The following LRRTM4 variants were observed in gnomAD, a reference collection of about 807,000 sequenced individuals.
The protein encoded by LRRTM4 is leucine-rich repeat transmembrane neuronal protein 4.
LRRTM4 carries 25 observed loss-of-function variants against 47.6 expected under a neutral mutation model. The ratio of observed to expected loss-of-function variants is 0.53; its 90% CI spans 0.38 to 0.73. LRRTM4 has a LOEUF of 0.73. LRRTM4 is among the 30% of genes least tolerant of loss of function. The pLI is 0.00. For synonymous variants in LRRTM4, 311 were observed against 269.5 expected (o/e 1.15, Z -1.51); for missense variants, 638 against 713.4 (o/e 0.89, Z 1.20).
chr2:76,897,774 T>A (rs917412762), intron 3 of LRRTM4, among the ~76,000 whole-genome samples: 1 of 152,152 alleles, frequency 6.6e-6, no homozygotes, highest in Non-Finnish European at 1.5e-5. Flanking sequence ...TTAATTCCCA[T>A]TGCACAGTTA....
At chr2:77,224,008 A>G (rs1234188033) in intron 3 of LRRTM4, among the ~76,000 whole-genome samples, 1 of 151,928 alleles carries the variant, frequency 6.6e-6, no homozygotes, top group Non-Finnish European at 1.5e-5. Context: ...GTACCAAAAC[A>G]GAGATATAGA....
At position 77,165,923 on chromosome 2, in the gene LRRTM4, C is replaced by T. The variant is rs1672871444; in HGVS notation, c.1551+352395G>A. Reference sequence around the variant, plus strand: ...CCCAAGACAGGGATGCCCTCTCTCACCACTCCTAGTCAACATAATGTTGGA... The same window carrying T: ...CCCAAGACAGGGATGCCCTCTCTCATCACTCCTAGTCAACATAATGTTGGA... On this transcript the variant is annotated intron_variant, in intron 3 of 3. Coordinates refer to ENST00000409884, the MANE Select transcript of LRRTM4 (RefSeq NM_001134745.3). Among the ~76,000 whole-genome samples, 5 of 152,142 alleles carry T rather than the reference C, an allele frequency of 3.3e-5. No individual in the cohort carries two copies. In the South Asian group the frequency reaches 1.0e-3, roughly 32 times the overall value.
At chr2:77,107,096 T>C (rs1046690053) in intron 3 of LRRTM4, among the ~76,000 whole-genome samples, 10 of 152,114 alleles carry the variant, frequency 6.6e-5, no homozygotes, top group Non-Finnish European at 1.5e-4. Flanking sequence ...TTTTAAAACA[T>C]GTTAATCTAG....
intron 3 of LRRTM4, among the ~76,000 whole-genome samples, chr2:76,816,233 G>A (rs995364910): frequency 3.9e-5 from 6 of 152,066 alleles, no homozygotes; most frequent in Non-Finnish European, 8.8e-5. Context: ...TTTTAGTATA[G>A]ACCATTAGAA....
At chr2:77,256,924 T>TA (rs1675786094) in intron 3 of LRRTM4, among the ~76,000 whole-genome samples, 2 of 151,972 alleles carry the variant, frequency 1.3e-5, no homozygotes, top group African/African-American at 4.8e-5. Flanking sequence ...AAGTAATATA[T>TA]AAAAAGATGT....
At chr2:76,880,379 A>G (rs1672895884) in intron 3 of LRRTM4, among the ~76,000 whole-genome samples, 1 of 152,190 alleles carries the variant, frequency 6.6e-6, no homozygotes, top group Non-Finnish European at 1.5e-5. Flanking sequence ...AAGATTATGA[A>G]TCACTGAAGG....
chr2:77,133,958 T>C (rs1671867573), intron 3 of LRRTM4, among the ~76,000 whole-genome samples: 1 of 152,180 alleles, frequency 6.6e-6, no homozygotes, highest in African/African-American at 2.4e-5. Flanking sequence ...TAAAAGTTAG[T>C]TCTGTCAAAT....
intron 3 of LRRTM4, among the ~76,000 whole-genome samples, chr2:76,777,885 TG>T (rs1674124490): frequency 7.4e-6 from 1 of 135,374 alleles, no homozygotes; most frequent in African/African-American, 2.8e-5. Context: ...AGTATGATAT[TG>T]GCTGTGGGTT....
In LRRTM4 at chr2:76,973,622, T is replaced by C. The variant is rs557320724; in HGVS notation, c.1552-224706A>G. 3.3e-5 allele frequency among the ~76,000 whole-genome samples: 5 copies of C among 152,078 alleles called. No homozygotes were observed. In the South Asian group the frequency reaches 6.2e-4, roughly 19 times the overall value. On this transcript the variant is annotated intron_variant, in intron 3 of 3. Transcript: ENST00000409884. ...CCATATTACTTCTGATGAGCTCTAATATATACTTTTGACGGTATGCTCATT... is the reference window on the plus strand; with the variant it reads ...CCATATTACTTCTGATGAGCTCTAACATATACTTTTGACGGTATGCTCATT...
In LRRTM4 at chr2:77,240,993, A is replaced by G. The variant is rs1675244010; in HGVS notation, c.1551+277325T>C. On this transcript the variant is annotated intron_variant, in intron 3 of 3. Transcript: ENST00000409884. Reference sequence around the variant, plus strand: ...ATGCTGATTTTCCCCAAATTGACCTACAGAATACATACATTTTTAACCAAA... The same window carrying G: ...ATGCTGATTTTCCCCAAATTGACCTGCAGAATACATACATTTTTAACCAAA... 2.0e-5 allele frequency among the ~76,000 whole-genome samples: 3 copies of G among 151,998 alleles called. No individual in the cohort carries two copies. The South Asian group carries it at 6.2e-4, about 31-fold the overall frequency.
chr2:76,878,397 AAT>A (rs1471263690), intron 3 of LRRTM4, among the ~76,000 whole-genome samples: 2 of 152,172 alleles, frequency 1.3e-5, no homozygotes, highest in Non-Finnish European at 2.9e-5. Context: ...GGAAGAGTTC[AAT>A]ATGTCTAACT....
intron 3 of LRRTM4, among the ~76,000 whole-genome samples, chr2:77,143,944 T>G (rs527939920): frequency 6.6e-6 from 1 of 152,272 alleles, no homozygotes; most frequent in African/African-American, 2.4e-5. Flanking sequence ...AACTTATTTT[T>G]GGGGGACGGG....
At chr2:77,008,796 C>T (rs139571764) in intron 3 of LRRTM4, among the ~76,000 whole-genome samples, 7 of 152,134 alleles carry the variant, frequency 4.6e-5, no homozygotes, top group Admixed American at 3.9e-4. Context: ...GAAGGCATGA[C>T]GAGGCGCCGG....
chr2:76,947,941 T>A lies in LRRTM4; in HGVS notation c.1552-199025A>T, dbSNP rs1675376423. Among the ~76,000 whole-genome samples, 4 of 151,832 alleles carry A rather than the reference T, an allele frequency of 2.6e-5. No homozygotes were observed. In the South Asian group the frequency reaches 8.3e-4, roughly 31 times the overall value. Reference sequence around the variant, plus strand: ...TTAGAAGCTGCCCAAATATCCTGATTTTCCTCCCTTCTACTCTGGACTGAA... The same window carrying A: ...TTAGAAGCTGCCCAAATATCCTGATATTCCTCCCTTCTACTCTGGACTGAA... On this transcript the variant is annotated intron_variant, in intron 3 of 3. Transcript: ENST00000409884.
At chr2:77,055,714 C>A (rs369712286) in intron 3 of LRRTM4, among the ~76,000 whole-genome samples, 4,323 of 151,968 alleles carry the variant, frequency 0.028, 218 homozygotes, top group African/African-American at 0.099. Context: ...GACTATAAAT[C>A]ATGCTGCTAT....
chr2:77,108,578 C>CTTTTTTTT (rs200805423), intron 3 of LRRTM4, among the ~76,000 whole-genome samples: 3 of 142,946 alleles, frequency 2.1e-5, no homozygotes, highest in African/African-American at 5.2e-5. Flanking sequence ...CACAAACATT[C>CTTTTTTTT]TTTTTTTTTT....
At chr2:77,348,929 C>T (rs1471853999) in intron 3 of LRRTM4, among the ~76,000 whole-genome samples, 2 of 151,658 alleles carry the variant, frequency 1.3e-5, no homozygotes, top group East Asian at 1.9e-4. Context: ...AGTATAGCAG[C>T]CACTTATAAT....
chr2:77,483,607 C>T (rs1558765070), intron 3 of LRRTM4, among the ~76,000 whole-genome samples: 2 of 152,176 alleles, frequency 1.3e-5, no homozygotes, highest in Admixed American at 6.5e-5. Context: ...TCCCAAAGTG[C>T]TGGGATTACA....
At chr2:77,418,319 T>A (rs551329218) in intron 3 of LRRTM4, among the ~76,000 whole-genome samples, 1 of 152,296 alleles carries the variant, frequency 6.6e-6, no homozygotes, top group East Asian at 1.9e-4. Context: ...TTGGTATACT[T>A]TTGTCCATTT....
Sources: allele counts gnomAD v4.1 joint callset (sites outside exome capture counted in the v4.1 genomes callset), GRCh38; gene constraint gnomAD v4.1.1; transcripts MANE v1.5; gene names NCBI Gene and HGNC (gene_info 2026-07-23, HGNC 2026-07-21).